RARB: variants seen among roughly 807,000 people sequenced by gnomAD.
RARB encodes retinoic acid receptor beta.
RARB carries 17 observed loss-of-function variants against 51.9 expected under a neutral mutation model. The ratio of observed to expected loss-of-function variants is 0.33; its 90% CI spans 0.22 to 0.49. The LOEUF (loss-of-function observed/expected upper bound fraction) is 0.49, where lower values mean the gene tolerates loss of function less well. Among genes scored for constraint, RARB ranks in the 20% least tolerant of loss-of-function variants. The probability of loss-of-function intolerance (pLI) is 0.99; values close to 1 mark genes in which losing one functional copy is unlikely to be tolerated. For missense variants in RARB, 369 were observed against 550.8 expected, an observed-to-expected ratio of 0.67 and a Z score of 3.30; for synonymous variants, 215 against 195.4, an observed-to-expected ratio of 1.10 and a Z score of -0.84.
At chr3:25,294,166 C>G (rs1229028980) in intron 5 of RARB, among the ~76,000 whole-genome samples, 1 of 151,992 alleles carries the variant, frequency 6.6e-6, no homozygotes, top group Non-Finnish European at 1.5e-5. Context: ...ATCAAAAAAC[C>G]AAAGAGGACT....
chr3:25,337,593 G>GAAA (rs1396563966), intron 5 of RARB, among the ~76,000 whole-genome samples: 1 of 152,082 alleles, frequency 6.6e-6, no homozygotes, highest in Non-Finnish European at 1.5e-5. Flanking sequence ...TGCCTGAAAT[G>GAAA]TTCTTCCACC....
rs775903306 is a variant in RARB at position 25,534,891 on chromosome 3, C to G, written c.448+33568C>G. On this transcript the variant is annotated intron_variant, in intron 3 of 7. Coordinates refer to ENST00000330688, the MANE Select transcript of RARB (RefSeq NM_000965.5). The stretch of plus-strand genomic sequence containing the variant: ...TGGAGGCCATCACTCCTCCAGAGAC[C>G]CTTCCTTCAGGTGCACCCAGATGTG... 1.3e-3 allele frequency among the ~76,000 whole-genome samples: 202 copies of G among 152,120 alleles called. 1 individual carries two copies. Among genetic ancestry groups the G allele is most frequent in the Non-Finnish European group, 2.2e-3 (152 of 68,030 alleles).
rs74278573 is a variant in RARB at position 25,238,156 on chromosome 3, C to A, written c.178+63581C>A. Among the ~76,000 whole-genome samples the A allele has an allele frequency of 2.6e-4, 39 of 151,982 alleles. No homozygotes were observed. In the East Asian group the frequency reaches 5.2e-3, roughly 20 times the overall value. The stretch of plus-strand genomic sequence containing the variant: ...CCTGTCTTCATCCTCCAGCGCCCCC[C>A]CACACATCCTTCCCAGTCTCTGGTA... On this transcript the variant is annotated intron_variant, in intron 5 of 11. Coordinates refer to the RARB transcript ENST00000383772.
intron 3 of RARB, among the ~76,000 whole-genome samples, chr3:25,567,186 T>C (rs906446479): frequency 1.3e-5 from 2 of 152,230 alleles, no homozygotes; most frequent in Admixed American, 1.3e-4. Context: ...CATTTTAAAC[T>C]GTACCATTCA....
intron 5 of RARB, among the ~76,000 whole-genome samples, chr3:25,240,872 C>G (rs1702415275): frequency 6.6e-6 from 1 of 152,100 alleles, no homozygotes; most frequent in Non-Finnish European, 1.5e-5. Flanking sequence ...AAAATTTCTT[C>G]TCTCCTCAAC....
intron 5 of RARB, among the ~76,000 whole-genome samples, chr3:25,331,084 T>C (rs562900600): frequency 2.0e-5 from 3 of 152,128 alleles, no homozygotes; most frequent in Admixed American, 1.3e-4. Flanking sequence ...TGGGAGACTT[T>C]AACACCCCAC....
At chr3:25,204,783 G>A (rs894631552) in intron 5 of RARB, among the ~76,000 whole-genome samples, 3 of 152,156 alleles carry the variant, frequency 2.0e-5, no homozygotes, top group Admixed American at 1.3e-4. Flanking sequence ...TGTTCCTCTG[G>A]AAGTTTTGTC....
chr3:25,128,486 G>A (rs1699895726), intron 3 of RARB, among the ~76,000 whole-genome samples: 1 of 147,684 alleles, frequency 6.8e-6, no homozygotes, highest in Non-Finnish European at 1.5e-5. Context: ...AATATATCTA[G>A]TATATAATAT....
At chr3:24,920,137 A>G (rs1464371288) in intron 2 of RARB, among the ~76,000 whole-genome samples, 4 of 152,216 alleles carry the variant, frequency 2.6e-5, no homozygotes, top group African/African-American at 9.6e-5. Flanking sequence ...CTGTTAACCA[A>G]GGGTTTTCTT....
chr3:25,429,007 G>C (rs1708094494), intron 1 of RARB, 119 bp downstream of exon 1: 1 of 1,255,688 alleles, frequency 8.0e-7, no homozygotes, highest in South Asian at 1.6e-5. Flanking sequence ...ATGATTTAAT[G>C]CTGAAGGGGT....
chr3:25,204,832 C>G (rs1575217755), intron 5 of RARB, among the ~76,000 whole-genome samples: 1 of 152,134 alleles, frequency 6.6e-6, no homozygotes, highest in African/African-American at 2.4e-5. Flanking sequence ...TCAGTCTGCC[C>G]CTACTTGGGG....
chr3:25,321,573 C>A (rs541507337), intron 5 of RARB, among the ~76,000 whole-genome samples: 1 of 151,658 alleles, frequency 6.6e-6, no homozygotes, highest in Non-Finnish European at 1.5e-5. Context: ...AAAAATTAGC[C>A]GGGCATGGTG....
At chr3:25,213,219 C>T (rs1414320462) in intron 5 of RARB, among the ~76,000 whole-genome samples, 1 of 152,178 alleles carries the variant, frequency 6.6e-6, no homozygotes, top group Non-Finnish European at 1.5e-5. Flanking sequence ...TATTTTCCCA[C>T]TTTCTTCCCT....
chr3:25,158,426 T>C (rs1700413280), intron 4 of RARB, among the ~76,000 whole-genome samples: 1 of 152,250 alleles, frequency 6.6e-6, no homozygotes, highest in Admixed American at 6.5e-5. Context: ...AAGCTGATCC[T>C]TGAAGAAGCT....
At chr3:25,196,183 G>T (rs1173999422) in intron 5 of RARB, among the ~76,000 whole-genome samples, 1 of 151,778 alleles carries the variant, frequency 6.6e-6, no homozygotes, top group African/African-American at 2.4e-5. Flanking sequence ...AATTCATCAT[G>T]TACATTAGGT....
chr3:25,452,045 C>T (rs768004512), intron 1 of RARB, among the ~76,000 whole-genome samples: 3 of 152,120 alleles, frequency 2.0e-5, no homozygotes, highest in African/African-American at 4.8e-5. Flanking sequence ...ACATGACTCC[C>T]GAGACCTGTT....
intron 3 of RARB, among the ~76,000 whole-genome samples, chr3:25,537,787 A>G (rs1699203328): frequency 6.6e-6 from 1 of 152,206 alleles, no homozygotes; most frequent in African/African-American, 2.4e-5. Flanking sequence ...ATCAAAATGA[A>G]GACTCTTGCT....
intron 5 of RARB, among the ~76,000 whole-genome samples, chr3:25,202,426 T>A (rs1161835585): frequency 6.6e-6 from 1 of 152,324 alleles, no homozygotes; most frequent in East Asian, 1.9e-4. Flanking sequence ...TTTTTGTGTC[T>A]CTATCTCCTT....
intron 1 of RARB, among the ~76,000 whole-genome samples, chr3:24,843,012 A>G (rs188345731): frequency 3.0e-4 from 46 of 152,312 alleles, no homozygotes; most frequent in Admixed American, 1.0e-3. Context: ...CTTTGCTCTG[A>G]CATGACAGAA....
Sources: gnomAD v4.1 joint callset for allele counts (sites outside exome capture counted in the v4.1 genomes callset) on GRCh38, gnomAD v4.1.1 for gene constraint, MANE v1.5 for transcripts, NCBI Gene and HGNC (gene_info 2026-07-23, HGNC 2026-07-21) for gene names.